AXIN2: variants seen among roughly 807,000 people sequenced by gnomAD.
The protein encoded by AXIN2 is axin 2, also known as axin-2.
AXIN2 carries 21 observed loss-of-function variants against 74.7 expected under a neutral mutation model. The observed-to-expected ratio is 0.28, with a 90% confidence interval of 0.20 to 0.40. The LOEUF (loss-of-function observed/expected upper bound fraction) is 0.40, where lower values mean the gene tolerates loss of function less well. Among genes scored for constraint, AXIN2 ranks in the 10% least tolerant of loss-of-function variants. The probability of loss-of-function intolerance (pLI) is 1.00; values close to 1 mark genes in which losing one functional copy is unlikely to be tolerated. For missense variants in AXIN2, 1,144 were observed against 1,111.1 expected, an observed-to-expected ratio of 1.03 and a Z score of -0.42; for synonymous variants, 532 against 454.9, an observed-to-expected ratio of 1.17 and a Z score of -2.16.
At chr17:65,558,944 T>C (rs992919867) in intron 1 of AXIN2, among the ~76,000 whole-genome samples, 2 of 152,062 alleles carry the variant, frequency 1.3e-5, no homozygotes, top group Non-Finnish European at 2.9e-5. Context: ...CTGCACACTT[T>C]TCGGGGTTGG....
chr17:65,536,470 C>A lies in AXIN2; in HGVS notation c.1991G>T (p.Gly664Val), dbSNP rs1398162976. ...GERASRHHLWGGNSGHPRTTP... is the reference protein window; with the variant it reads ...GERASRHHLWVGNSGHPRTTP... ...GGTGCGGGGGTGCCCGCTGTTGCCC[C>A]CCCACAGATGGTGCCGGCTGGCTCG... The change falls in exon 8 of 11, where the codon GGG becomes GTG. Residue 664 changes from glycine (G) to valine (V), a missense_variant. By Grantham distance (109) the Gly-to-Val change is moderately radical. Around this residue, in one of 4 missense-constraint regions of AXIN2, gnomAD observed 1,053 missense variants for 973.5 expected, o/e 1.08. Coordinates refer to ENST00000307078, the MANE Select transcript of AXIN2 (RefSeq NM_004655.4). 12 of 1,613,880 alleles carry A rather than the reference C, an allele frequency of 7.4e-6. No homozygotes were observed. The highest frequency in any genetic ancestry group is 3.3e-5 in the Admixed American group (2 of 60,032).
In AXIN2 at chr17:65,558,664, C is replaced by G. The variant is rs766508071; in HGVS notation, c.-44G>C. Reference sequence around the variant, plus strand: ...ACTGAGTCTGGGAATTTTTCTTCTTCCAGTTCCTCTCAGCAATCGGCGTGG... The same window carrying G: ...ACTGAGTCTGGGAATTTTTCTTCTTGCAGTTCCTCTCAGCAATCGGCGTGG... On this transcript the variant is annotated 5_prime_UTR_variant, in exon 2 of 11. Coordinates refer to ENST00000307078, the MANE Select transcript of AXIN2 (RefSeq NM_004655.4). 7 of 1,576,270 alleles carry G rather than the reference C, an allele frequency of 4.4e-6. No homozygotes were observed. Among genetic ancestry groups the G allele is most frequent in the Non-Finnish European group, 6.0e-6 (7 of 1,165,290 alleles).
At chr17:65,561,275 C>A (rs1598124301) in intron 1 of AXIN2, 175 bp downstream of exon 1, 1 of 147,100 alleles carries the variant, frequency 6.8e-6, no homozygotes, top group South Asian at 1.9e-4. Flanking sequence ...CCCCCGCAGC[C>A]CCGCCACCGC....
chr17:65,534,135 A>C (rs2043869775), intron 9 of AXIN2, 56 bp from the exon 10 acceptor site: 1 of 1,595,442 alleles, frequency 6.3e-7, no homozygotes, highest in Admixed American at 1.7e-5. Context: ...CACACATCTA[A>C]AGCAAACACA....
chr17:65,558,722 A>C lies in AXIN2; in HGVS notation c.-102T>G. The C allele has an allele frequency of 3.1e-5, 36 of 1,173,730 alleles. No individual in the cohort carries two copies. The highest frequency in any genetic ancestry group is 4.2e-5 in the Non-Finnish European group (34 of 817,470). 72.7% of individuals were successfully genotyped at this position (1,173,730 alleles called of 1,614,324 possible). A position where few individuals can be genotyped will look rare whatever the true frequency, so the allele number is the denominator to read the frequency against. ...GTCTCTCTCAAGTCAGCAGGGGCTC[A>C]TCTGAACCTCCTCTCTGGAAAGAAA... On this transcript the variant is annotated 5_prime_UTR_variant, in exon 2 of 11. An upstream start codon of the reference 5' UTR is lost. Transcript: ENST00000307078.
In AXIN2 at chr17:65,528,574, A is replaced by G. The variant is rs1266913537; in HGVS notation, c.*1402T>C. 1 of 465,284 alleles carries G rather than the reference A, an allele frequency of 2.1e-6. No homozygotes were observed. Among genetic ancestry groups the G allele is most frequent in the East Asian group, 4.6e-5 (1 of 21,768 alleles). 28.8% of individuals were successfully genotyped at this position (465,284 alleles called of 1,614,324 possible). A position where few individuals can be genotyped will look rare whatever the true frequency, so the allele number is the denominator to read the frequency against. On this transcript the variant is annotated 3_prime_UTR_variant, in exon 11 of 11. Coordinates refer to ENST00000307078, the MANE Select transcript of AXIN2 (RefSeq NM_004655.4). The stretch of plus-strand genomic sequence containing the variant: ...AGACGAGGCCAGTGTTTTGAAAAAT[A>G]TAAAATTTTAATAAAGGCTACATCT...
At chr17:65,554,192 CACAGAACTGACCTG>C (rs986856747) in intron 2 of AXIN2, among the ~76,000 whole-genome samples, 4 of 152,190 alleles carry the variant, frequency 2.6e-5, no homozygotes, top group Admixed American at 2.0e-4. Context: ...AGGCAGGGAG[CACAGAACTGACCTG>C]ACAGAACTGA....
At chr17:65,552,887 G>A (rs1010712593) in intron 2 of AXIN2, among the ~76,000 whole-genome samples, 1 of 152,058 alleles carries the variant, frequency 6.6e-6, no homozygotes, top group Non-Finnish European at 1.5e-5. Flanking sequence ...AACTAGCCGG[G>A]CGTGGTGGCG....
intron 1 of AXIN2, chr17:65,560,223 G>A (rs2044343372): frequency 6.6e-6 from 1 of 152,288 alleles, no homozygotes; most frequent in African/African-American, 2.4e-5. Context: ...CTCCGCAAAA[G>A]GGGCCGGGGC....
At chr17:65,553,236 C>T (rs570432739) in intron 2 of AXIN2, among the ~76,000 whole-genome samples, 11 of 152,312 alleles carry the variant, frequency 7.2e-5, no homozygotes, top group South Asian at 2.1e-4. Flanking sequence ...GTGAGTGGCA[C>T]GTGGCAGTGA....
At chr17:65,538,921 A>G (rs1312492654) in intron 4 of AXIN2, among the ~76,000 whole-genome samples, 1 of 152,058 alleles carries the variant, frequency 6.6e-6, no homozygotes, top group Non-Finnish European at 1.5e-5. Context: ...GTGGTGTCTC[A>G]ACACTGTCCT....
At chr17:65,540,007 A>C (rs1334195858) in intron 4 of AXIN2, among the ~76,000 whole-genome samples, 1 of 152,232 alleles carries the variant, frequency 6.6e-6, no homozygotes, top group Non-Finnish European at 1.5e-5. Flanking sequence ...GAAGCTGCTC[A>C]GGAGATCCTC....
At chr17:65,556,530 G>A (rs1254148052) in intron 2 of AXIN2, among the ~76,000 whole-genome samples, 1 of 152,146 alleles carries the variant, frequency 6.6e-6, no homozygotes, top group Non-Finnish European at 1.5e-5. Flanking sequence ...CTTAGGTGTA[G>A]ACCAGATGTC....
At chr17:65,543,381 G>GGTA (rs1487173271) in intron 3 of AXIN2, among the ~76,000 whole-genome samples, 1 of 152,130 alleles carries the variant, frequency 6.6e-6, no homozygotes, top group Admixed American at 6.5e-5. Flanking sequence ...CTTCACCTTG[G>GGTA]GTAGCTGAAA....
At chr17:65,543,421 C>G (rs534933952) in intron 3 of AXIN2, among the ~76,000 whole-genome samples, 15 of 152,176 alleles carry the variant, frequency 9.9e-5, no homozygotes, top group Non-Finnish European at 2.2e-4. Flanking sequence ...CTGGCTTGAC[C>G]AGAAACCAAA....
intron 3 of AXIN2, among the ~76,000 whole-genome samples, chr17:65,545,984 T>C (rs1180417289): frequency 6.6e-6 from 1 of 152,012 alleles, no homozygotes; most frequent in Non-Finnish European, 1.5e-5. Flanking sequence ...TTCCTGGGTT[T>C]GTGTCTAATG....
chr17:65,551,395 G>A (rs1567764440), intron 2 of AXIN2, among the ~76,000 whole-genome samples: 1 of 152,182 alleles, frequency 6.6e-6, no homozygotes, highest in Middle Eastern at 3.2e-3. Context: ...GGCAAGGGAC[G>A]TAGGTCTTCA....
rs554608913 is a variant in AXIN2, at chr17:65,533,597, G to A, written c.2405+315C>T. Among the ~76,000 whole-genome samples the A allele has an allele frequency of 1.4e-4, 21 of 152,280 alleles. No individual in the cohort carries two copies. In the South Asian group the frequency reaches 4.4e-3, roughly 32 times the overall value. On this transcript the variant is annotated intron_variant, in intron 10 of 10. Transcript: ENST00000307078. Reference sequence around the variant, plus strand: ...TTGCAGGTAAAGCCTCTGCAGTGTGGCCTGAGCCCCACTCTCCTGTCGGTG... The same window carrying A: ...TTGCAGGTAAAGCCTCTGCAGTGTGACCTGAGCCCCACTCTCCTGTCGGTG...
rs1035370378 is a variant in AXIN2 at position 65,536,300 on chromosome 17, G to A, written c.2141+20C>T. ...AAACCCAATCCCTGCCTCAACCTAG[G>A]ACCCTTCACTTCCACTCACCGCTGC... is the stretch of plus-strand genomic sequence containing the variant. On this transcript the variant is annotated intron_variant, in intron 8 of 10. Transcript: ENST00000307078. The A allele has an allele frequency of 4.4e-6, 7 of 1,592,340 alleles. No homozygotes were observed. Among genetic ancestry groups the A allele is most frequent in the Admixed American group, 1.8e-5 (1 of 55,838 alleles).
Sources: allele counts gnomAD v4.1 joint callset (sites outside exome capture counted in the v4.1 genomes callset), GRCh38; gene constraint gnomAD v4.1.1; regional missense constraint gnomAD v4.1.1; transcripts MANE v1.5; gene names NCBI Gene and HGNC (gene_info 2026-07-23, HGNC 2026-07-21).